The following IQSEC3 variants were observed in gnomAD, a reference collection of about 807,000 sequenced individuals.
The protein encoded by IQSEC3 is IQ motif and Sec7 domain ArfGEF 3, also known as IQ motif and SEC7 domain-containing protein 3.
A neutral mutation model predicts 105.4 loss-of-function variants in IQSEC3; 50 were observed. That is an observed-to-expected ratio of 0.47 (90% CI 0.38 to 0.60). The LOEUF (loss-of-function observed/expected upper bound fraction) is 0.60, where lower values mean the gene tolerates loss of function less well. Among genes scored for constraint, IQSEC3 ranks in the 20% least tolerant of loss-of-function variants. IQSEC3 has a pLI of 0.00. For missense variants in IQSEC3, 1,415 were observed against 1,630.0 expected (o/e 0.87, Z 2.27); for synonymous variants, 708 against 746.0 (o/e 0.95, Z 0.83).
At chr12:159,168 T>G (rs1318132620) in intron 7 of IQSEC3, among the ~76,000 whole-genome samples, 1 of 152,240 alleles carries the variant, frequency 6.6e-6, no homozygotes, top group East Asian at 1.9e-4. Context: ...GAGTTAATGC[T>G]TCTCTTTCCA....
intron 2 of IQSEC3, among the ~76,000 whole-genome samples, chr12:121,800 C>T (rs995979881): frequency 4.6e-5 from 7 of 152,160 alleles, no homozygotes; most frequent in Admixed American, 6.5e-5. Context: ...CAGCCGCCAT[C>T]GCCGTCACCC....
chr12:83,678 G>A (rs1863823715), intron 1 of IQSEC3, among the ~76,000 whole-genome samples: 1 of 148,158 alleles, frequency 6.7e-6, no homozygotes, highest in Non-Finnish European at 1.5e-5. Flanking sequence ...AGTTTGTGGG[G>A]AGAGAGGTTG....
chr12:111,016 T>G (rs1367009611), intron 2 of IQSEC3, among the ~76,000 whole-genome samples: 3 of 152,216 alleles, frequency 2.0e-5, no homozygotes, highest in African/African-American at 7.2e-5. Context: ...TTCCTCTTCC[T>G]CCGACCTTCT....
At chr12:69,535 A>T (rs1863227844) in intron 1 of IQSEC3, among the ~76,000 whole-genome samples, 1 of 152,288 alleles carries the variant, frequency 6.6e-6, no homozygotes, top group Admixed American at 6.5e-5. Context: ...TCACTTAGAA[A>T]GTTGCCCCAG....
Position 157,550 on chromosome 12 carries a change from C to A in IQSEC3, c.2299C>A (p.Pro767Thr). Residue 767 changes from proline to threonine, a missense_variant, in exon 7 of 14, where the codon CCC becomes ACC. Physicochemically the swap from Pro to Thr is conservative, Grantham distance 38. This residue lies in a region of IQSEC3 where 213 missense variants were observed against 306.2 expected (regional missense o/e 0.70). Transcript: ENST00000538872. ...CAGCCAGCGCTACTGCATGTGCAAC[C>A]CCGAAGTGGTTCAGCAGTTCCACAA... ...AFSQRYCMCNPEVVQQFHNPD... is the reference protein window; with the variant it reads ...AFSQRYCMCNTEVVQQFHNPD... The A allele has an allele frequency of 6.2e-7, 1 of 1,613,990 alleles. No homozygotes were observed. Among genetic ancestry groups the A allele is most frequent in the Non-Finnish European group, 8.5e-7 (1 of 1,179,902 alleles).
chr12:99,176 C>G lies in IQSEC3; in HGVS notation c.585C>G (p.Cys195Trp). 6.3e-7 allele frequency: 1 copy of G among 1,599,024 alleles called. No homozygotes were observed. Among genetic ancestry groups the G allele is most frequent in the Non-Finnish European group, 8.5e-7 (1 of 1,179,750 alleles). Reference sequence around the variant, plus strand: ...AGACCGTGCTGCACCAGTTCTGCTGCCCAGCCGCCGACGCCTGCTCCGACC... The same window carrying G: ...AGACCGTGCTGCACCAGTTCTGCTGGCCAGCCGCCGACGCCTGCTCCGACC... Reference protein sequence around the residue: ...ENETVLHQFCCPAADACSDLA... With the variant: ...ENETVLHQFCWPAADACSDLA... The change falls in exon 2 of 14, where the codon TGC becomes TGG. Residue 195 changes from cysteine (C) to tryptophan (W), a missense_variant. By Grantham distance (215) the Cys-to-Trp change is radical. Transcript: ENST00000538872.
chr12:87,772 G>T (rs1863963283), intron 1 of IQSEC3, among the ~76,000 whole-genome samples: 1 of 152,218 alleles, frequency 6.6e-6, no homozygotes. Flanking sequence ...ATAGGGCTTG[G>T]AGGGAAGGCA....
chr12:171,978 C>G (rs1022035206), intron 13 of IQSEC3, among the ~76,000 whole-genome samples: 2 of 152,084 alleles, frequency 1.3e-5, no homozygotes, highest in African/African-American at 4.8e-5. Context: ...CTACAAGCCT[C>G]GTGAGCCCCA....
chr12:163,263 C>A, intron 8 of IQSEC3, among the ~76,000 whole-genome samples: 1 of 80,928 alleles, frequency 1.2e-5, no homozygotes, highest in Admixed American at 1.2e-4. Context: ...GAACCGGACC[C>A]CTCCCCTCCC....
At chr12:169,343 G>A (rs930707929) in intron 12 of IQSEC3, among the ~76,000 whole-genome samples, 1 of 152,222 alleles carries the variant, frequency 6.6e-6, no homozygotes, top group East Asian at 1.9e-4. Context: ...TCTGGAGTCC[G>A]TGTGAGATGT....
chr12:125,129 G>A (rs73036112), intron 2 of IQSEC3, among the ~76,000 whole-genome samples: 37,547 of 146,942 alleles, frequency 0.26, 4,982 homozygotes, highest in Non-Finnish European at 0.3. Context: ...CTGAGCCTGT[G>A]CCCAAGGAGC....
At chr12:149,367 T>A (rs1012385814) in intron 5 of IQSEC3, among the ~76,000 whole-genome samples, 1 of 152,006 alleles carries the variant, frequency 6.6e-6, no homozygotes, top group African/African-American at 2.4e-5. Context: ...GCCTGGAGTC[T>A]GGAAGCCTCG....
chr12:106,965 A>T (rs1305132740), intron 2 of IQSEC3: 2 of 152,238 alleles, frequency 1.3e-5, no homozygotes, highest in Non-Finnish European at 2.9e-5. Context: ...TTGATCAGAT[A>T]TGGCATTCTT....
Position 141,197 on chromosome 12 carries a change from T to G in IQSEC3, c.2065T>G (p.Phe689Val). The G allele has an allele frequency of 6.2e-7, 1 of 1,612,992 alleles. No individual in the cohort carries two copies. Among genetic ancestry groups the G allele is most frequent in the Non-Finnish European group, 8.5e-7 (1 of 1,179,530 alleles). ...IPDTPIGVAH[F>V]LLQRKGLSRQ... ...GGACACCCCCATCGGTGTGGCCCATTTCCTCCTCCAGCGAAAGGGCCTCAG... is the reference window on the plus strand; with the variant it reads ...GGACACCCCCATCGGTGTGGCCCATGTCCTCCTCCAGCGAAAGGGCCTCAG... Residue 689 changes from phenylalanine (F) to valine (V), a missense_variant, in exon 5 of 14, where the codon TTC becomes GTC. Transcript: ENST00000538872.
intron 1 of IQSEC3, among the ~76,000 whole-genome samples, chr12:93,754 G>A (rs1864164219): frequency 6.6e-6 from 1 of 152,200 alleles, no homozygotes; most frequent in Non-Finnish European, 1.5e-5. Context: ...CCTAACTCGA[G>A]GTATCTGGGT....
intron 5 of IQSEC3, among the ~76,000 whole-genome samples, chr12:151,483 C>T (rs1866507440): frequency 6.6e-6 from 1 of 152,176 alleles, no homozygotes; most frequent in Admixed American, 6.5e-5. Flanking sequence ...AGCCCAAGCC[C>T]CATTATCTGT....
intron 1 of IQSEC3, among the ~76,000 whole-genome samples, chr12:73,586 C>G (rs1390719376): frequency 4.6e-5 from 7 of 152,188 alleles, no homozygotes; most frequent in Non-Finnish European, 8.8e-5. Flanking sequence ...AGGAGAATCA[C>G]TTGAATCTAG....
chr12:122,426 G>A (rs1329904040), intron 2 of IQSEC3, among the ~76,000 whole-genome samples: 4 of 152,248 alleles, frequency 2.6e-5, no homozygotes, highest in African/African-American at 9.6e-5. Context: ...ATGAGTATAT[G>A]TGAGAGAGAG....
At chr12:88,221 G>C (rs1409531685) in intron 1 of IQSEC3, among the ~76,000 whole-genome samples, 16 of 152,172 alleles carry the variant, frequency 1.1e-4, no homozygotes, top group Non-Finnish European at 4.4e-5. Context: ...AAGGTTCTGT[G>C]CTCTGCCTTC....
Sources: gnomAD v4.1 joint callset for allele counts (sites outside exome capture counted in the v4.1 genomes callset) on GRCh38, gnomAD v4.1.1 for gene constraint, gnomAD v4.1.1 regional missense constraint, MANE v1.5 for transcripts, NCBI Gene and HGNC (gene_info 2026-07-23, HGNC 2026-07-21) for gene names.